The following ROBO2 variants were observed in gnomAD, a reference collection of about 807,000 sequenced individuals.
The protein encoded by ROBO2 is roundabout guidance receptor 2, also known as roundabout homolog 2.
A neutral mutation model predicts 160.8 loss-of-function variants in ROBO2; 53 were observed. The ratio of observed to expected loss-of-function variants is 0.33; its 90% CI spans 0.26 to 0.41. ROBO2 has a LOEUF of 0.41. Among genes scored for constraint, ROBO2 ranks in the 10% least tolerant of loss-of-function variants. The pLI is 1.00. For synonymous variants in ROBO2, 664 were observed against 611.7 expected, an observed-to-expected ratio of 1.09 and a Z score of -1.26; for missense variants, 1,577 against 1,722.4, an observed-to-expected ratio of 0.92 and a Z score of 1.49.
rs147834887 is a variant in ROBO2, at chr3:76,899,778, T to G, written c.110-198236T>G. On this transcript the variant is annotated intron_variant, in intron 2 of 26. Transcript: ENST00000487694. Reference sequence around the variant, plus strand: ...ATTTCATGGGCCTTGTACCATTTTTTTAAGTCACAGAAACAAAATCATTGA... The same window carrying G: ...ATTTCATGGGCCTTGTACCATTTTTGTAAGTCACAGAAACAAAATCATTGA... 1.3e-3 allele frequency among the ~76,000 whole-genome samples: 197 copies of G among 152,276 alleles called. 5 individuals carry two copies. In the East Asian group the frequency reaches 0.02, roughly 15 times the overall value.
chr3:76,841,730 A>G (rs1166951), intron 2 of ROBO2, among the ~76,000 whole-genome samples: 16,044 of 152,260 alleles, frequency 0.11, 915 homozygotes, highest in South Asian at 0.12. Flanking sequence ...AGGAAGATTT[A>G]TTAGCCGCTT....
chr3:77,348,497 C>T (rs970848423), intron 2 of ROBO2, among the ~76,000 whole-genome samples: 2 of 152,044 alleles, frequency 1.3e-5, no homozygotes, highest in Non-Finnish European at 2.9e-5. Context: ...GTCCTTCTGA[C>T]CTTGGGTCGA....
intron 2 of ROBO2, among the ~76,000 whole-genome samples, chr3:76,963,991 T>C (rs1231009181): frequency 6.6e-6 from 1 of 152,122 alleles, no homozygotes; most frequent in Non-Finnish European, 1.5e-5. Flanking sequence ...CAAGGCTAAT[T>C]ACAGAGACAA....
In ROBO2 at chr3:76,753,472, G is replaced by A. The variant is rs142800681; in HGVS notation, c.110-344542G>A. On this transcript the variant is annotated intron_variant, in intron 2 of 26. Coordinates refer to the ROBO2 transcript ENST00000487694. The stretch of plus-strand genomic sequence containing the variant: ...TTCAAACTACAAATATACATCCACA[G>A]TATGCTTCCTTAGTTTTTCCTTGTT... Among the ~76,000 whole-genome samples, 987 of 151,878 alleles carry A rather than the reference G, an allele frequency of 6.5e-3. 6 individuals carry two copies. The highest frequency in any genetic ancestry group is 0.024 in the Middle Eastern group (7 of 294).
intron 4 of ROBO2, among the ~76,000 whole-genome samples, chr3:77,483,578 A>G (rs2084961212): frequency 6.6e-6 from 1 of 151,690 alleles, no homozygotes; most frequent in Non-Finnish European, 1.5e-5. Context: ...TTTCACTTTT[A>G]AAGGTCTAGC....
intron 5 of ROBO2, among the ~76,000 whole-genome samples, chr3:77,504,039 C>G (rs902585093): frequency 8.5e-5 from 13 of 152,174 alleles, no homozygotes; most frequent in African/African-American, 2.7e-4. Context: ...CATAGTATAA[C>G]TCACTGGCGC....
At chr3:77,441,095 C>T (rs1170982520) in intron 2 of ROBO2, among the ~76,000 whole-genome samples, 3 of 152,006 alleles carry the variant, frequency 2.0e-5, no homozygotes, top group African/African-American at 7.2e-5. Context: ...TAGTTCTACA[C>T]GTCATTTTCT....
chr3:76,526,101 T>C (rs560978896), intron 2 of ROBO2, among the ~76,000 whole-genome samples: 2 of 151,960 alleles, frequency 1.3e-5, no homozygotes, highest in Non-Finnish European at 2.9e-5. Flanking sequence ...TTATAAAATG[T>C]TGGTGTTAGG....
intron 2 of ROBO2, among the ~76,000 whole-genome samples, chr3:76,929,496 T>C (rs1021133012): frequency 3.3e-5 from 5 of 152,154 alleles, no homozygotes; most frequent in Non-Finnish European, 7.4e-5. Context: ...CTATCAACCT[T>C]ATGTAAGCCA....
At chr3:76,508,690 T>G (rs2080921412) in intron 2 of ROBO2, among the ~76,000 whole-genome samples, 1 of 152,196 alleles carries the variant, frequency 6.6e-6, no homozygotes. Context: ...CAAATATAGC[T>G]TGCTACCACT....
chr3:76,214,666 A>T (rs960519568), intron 2 of ROBO2, among the ~76,000 whole-genome samples: 2 of 152,224 alleles, frequency 1.3e-5, no homozygotes, highest in South Asian at 2.1e-4. Context: ...GCAGCCAGGA[A>T]GCTTGAACTG....
chr3:77,642,928 C>T (rs904053872), intron 24 of ROBO2: 1 of 456,428 alleles, frequency 2.2e-6, no homozygotes, highest in Non-Finnish European at 4.4e-6. Flanking sequence ...CCCACACAAA[C>T]AAGGTGTCGG....
At chr3:76,815,953 G>A (rs149307293) in intron 2 of ROBO2, among the ~76,000 whole-genome samples, 3 of 152,206 alleles carry the variant, frequency 2.0e-5, no homozygotes, top group Non-Finnish European at 2.9e-5. Flanking sequence ...GAGTGCATTC[G>A]ACAGCTTGTA....
chr3:76,952,687 GTA>G lies in ROBO2; in HGVS notation c.110-145313_110-145312del, dbSNP rs374335004. On this transcript the variant is annotated intron_variant, in intron 2 of 26. Transcript: ENST00000487694. Reference sequence around the variant, plus strand: ...CTATATAGTTAGTATATCTGTGTGTGTATATATATATATATTTATGTATAAAA... The same window carrying G: ...CTATATAGTTAGTATATCTGTGTGTGTATATATATATATTTATGTATAAAA... Among the ~76,000 whole-genome samples, 432 of 149,896 alleles carry G rather than the reference GTA, an allele frequency of 2.9e-3. 3 individuals are homozygous for G. The highest frequency in any genetic ancestry group is 9.0e-3 in the South Asian group (43 of 4,774).
At chr3:77,398,482 A>C (rs1238223527) in intron 2 of ROBO2, among the ~76,000 whole-genome samples, 5 of 152,168 alleles carry the variant, frequency 3.3e-5, no homozygotes, top group African/African-American at 4.8e-5. Context: ...GCCATGTAAA[A>C]TTACTTACAT....
Position 77,005,461 on chromosome 3 carries a change from C to A in ROBO2, c.110-92553C>A, listed in dbSNP as rs559145864. Among the ~76,000 whole-genome samples the A allele has an allele frequency of 2.0e-4, 30 of 152,274 alleles. 1 individual carries two copies. The highest frequency in any genetic ancestry group is 1.8e-3 in the Admixed American group (27 of 15,294). On this transcript the variant is annotated intron_variant, in intron 2 of 26. Coordinates refer to the ROBO2 transcript ENST00000487694. Reference sequence around the variant, plus strand: ...ATGGGCATATGCTGTAAAGACAGATCATCGTTCAGTTCTAATGCACTAATT... The same window carrying A: ...ATGGGCATATGCTGTAAAGACAGATAATCGTTCAGTTCTAATGCACTAATT...
intron 2 of ROBO2, among the ~76,000 whole-genome samples, chr3:77,243,424 C>G (rs1033205370): frequency 6.6e-6 from 1 of 152,026 alleles, no homozygotes; most frequent in African/African-American, 2.4e-5. Context: ...GTTTGAACAC[C>G]CTGATCTGGA....
At chr3:77,530,883 G>C (rs1314884889) in intron 6 of ROBO2, among the ~76,000 whole-genome samples, 1 of 151,870 alleles carries the variant, frequency 6.6e-6, no homozygotes, top group East Asian at 1.9e-4. Context: ...GAAGAAAATG[G>C]TCTAAATTGG....
chr3:76,874,938 A>G (rs1027679246), intron 2 of ROBO2, among the ~76,000 whole-genome samples: 5 of 152,180 alleles, frequency 3.3e-5, no homozygotes, highest in South Asian at 4.1e-4. Context: ...CTGTGATTTT[A>G]TGGTTCAATG....
Sources: allele counts gnomAD v4.1 joint callset (sites outside exome capture counted in the v4.1 genomes callset), GRCh38; gene constraint gnomAD v4.1.1; transcripts MANE v1.5; gene names NCBI Gene and HGNC (gene_info 2026-07-23, HGNC 2026-07-21).